The following PCYT1B variants were observed in gnomAD, a reference collection of about 807,000 sequenced individuals.
PCYT1B encodes phosphate cytidylyltransferase 1B, choline, also known as choline-phosphate cytidylyltransferase B.
PCYT1B carries 10 observed loss-of-function variants against 26.4 expected under a neutral mutation model. The ratio of observed to expected loss-of-function variants is 0.38; its 90% CI spans 0.23 to 0.64. The LOEUF (loss-of-function observed/expected upper bound fraction) is 0.64. PCYT1B is among the 30% of genes least tolerant of loss of function. PCYT1B has a pLI of 0.56. For synonymous variants in PCYT1B, 131 were observed against 108.4 expected (o/e 1.21, Z -1.29); for missense variants, 161 against 292.7 (o/e 0.55, Z 3.28).
At chrX:24,667,577 C>T (rs902210182) in intron 1 of PCYT1B, among the ~76,000 whole-genome samples, 5 of 110,052 alleles carry the variant, frequency 4.5e-5, no homozygotes, top group Non-Finnish European at 9.5e-5. Flanking sequence ...ATTAGCTGGG[C>T]ATGGTGGTGG....
chrX:24,577,666 C>T (rs907634538), intron 6 of PCYT1B, among the ~76,000 whole-genome samples: 1 of 111,911 alleles, frequency 8.9e-6, no homozygotes. Context: ...ATGAGCCCCT[C>T]CTATTTTGAA....
At chrX:24,633,736 C>T (rs1373640920) in intron 1 of PCYT1B, among the ~76,000 whole-genome samples, 2 of 111,236 alleles carry the variant, frequency 1.8e-5, no homozygotes, top group Non-Finnish European at 3.8e-5. Flanking sequence ...GCCAGAAATA[C>T]GCCATACGAA....
intron 1 of PCYT1B, among the ~76,000 whole-genome samples, chrX:24,624,544 C>G (rs775040959): frequency 2.3e-4 from 26 of 112,004 alleles, no homozygotes; most frequent in African/African-American, 8.1e-4. Flanking sequence ...TTCCTCTACT[C>G]TTTTCTGTAT....
chrX:24,565,746 G>A lies in PCYT1B; in HGVS notation c.898-3241C>T, dbSNP rs755698688. Among the ~76,000 whole-genome samples, 3 of 103,215 alleles carry A rather than the reference G, an allele frequency of 2.9e-5. No individual in the cohort carries two copies. In the South Asian group the frequency reaches 1.3e-3, roughly 46 times the overall value. 89.6% of individuals were successfully genotyped at this position (103,215 alleles called of 115,157 possible). On this transcript the variant is annotated intron_variant, in intron 7 of 7. Transcript: ENST00000379144. ...GAAAGAAACCATAAAGGAAAACATTGACATTTGACTACACAAAATTTTAAA... is the reference window on the plus strand; with the variant it reads ...GAAAGAAACCATAAAGGAAAACATTAACATTTGACTACACAAAATTTTAAA...
chrX:24,567,175 A>C (rs1242775244), intron 7 of PCYT1B, among the ~76,000 whole-genome samples: 1 of 112,617 alleles, frequency 8.9e-6, no homozygotes, highest in Non-Finnish European at 1.9e-5. Flanking sequence ...CAGGATTTCC[A>C]TTAGAAGTTC....
intron 4 of PCYT1B, among the ~76,000 whole-genome samples, chrX:24,587,651 A>T (rs1924413990): frequency 9.0e-6 from 1 of 111,704 alleles, no homozygotes; most frequent in Non-Finnish European, 1.9e-5. Flanking sequence ...TTGAATTTTT[A>T]TCATCCCTCC....
intron 2 of PCYT1B, among the ~76,000 whole-genome samples, chrX:24,618,684 C>A (rs1925598283): frequency 9.2e-6 from 1 of 108,233 alleles, no homozygotes; most frequent in East Asian, 2.9e-4. Flanking sequence ...GTGGCGCAAT[C>A]TCGGCTCACT....
intron 7 of PCYT1B, among the ~76,000 whole-genome samples, chrX:24,566,490 ACCCGAAATG>A (rs1425632953): frequency 8.9e-6 from 1 of 112,039 alleles, no homozygotes; most frequent in Non-Finnish European, 1.9e-5. Context: ...GGGAGTGATA[ACCCGAAATG>A]CTAACAGAGA....
chrX:24,574,962 C>A (rs1367341775), intron 7 of PCYT1B, among the ~76,000 whole-genome samples, 168 bp downstream of exon 7: 1 of 112,131 alleles, frequency 8.9e-6, no homozygotes, highest in African/African-American at 3.2e-5. Context: ...ACGAGTAAAG[C>A]AGAAACTCAG....
At chrX:24,593,205 T>TA (rs1569242578) in intron 3 of PCYT1B, among the ~76,000 whole-genome samples, 3 of 111,852 alleles carry the variant, frequency 2.7e-5, no homozygotes, top group African/African-American at 9.7e-5. Context: ...ACCTGGCCCC[T>TA]AGTAGGCTTT....
chrX:24,600,840 G>A (rs1372591141), intron 3 of PCYT1B, among the ~76,000 whole-genome samples: 1 of 107,750 alleles, frequency 9.3e-6, no homozygotes, highest in Non-Finnish European at 1.9e-5. Flanking sequence ...AATAGACCCA[G>A]ACAAATATAC....
chrX:24,584,925 A>G (rs61761915), intron 5 of PCYT1B, among the ~76,000 whole-genome samples: 1,714 of 111,797 alleles, frequency 0.015, 30 homozygotes, highest in African/African-American at 0.054. Flanking sequence ...TTTGAGGAGT[A>G]TAAAAAGGGT....
intron 3 of PCYT1B, among the ~76,000 whole-genome samples, chrX:24,593,329 TTTTC>T (rs200715279): frequency 0.013 from 1,384 of 110,138 alleles, 12 homozygotes; most frequent in Non-Finnish European, 0.018. Flanking sequence ...CTTCTTTTTC[TTTTC>T]TTTCTTTCTT....
At chrX:24,641,228 T>G (rs1420901672) in intron 1 of PCYT1B, among the ~76,000 whole-genome samples, 1 of 112,269 alleles carries the variant, frequency 8.9e-6, no homozygotes, top group Non-Finnish European at 1.9e-5. Flanking sequence ...CCACTGCGCC[T>G]GGCCCCTTGA....
chrX:24,609,784 G>A (rs1488795604), intron 2 of PCYT1B, among the ~76,000 whole-genome samples: 1 of 111,240 alleles, frequency 9.0e-6, no homozygotes. Context: ...TTTATAAGCT[G>A]GGAGTACTAC....
intron 3 of PCYT1B, among the ~76,000 whole-genome samples, chrX:24,599,766 CTT>C (rs756640574): frequency 6.3e-5 from 7 of 111,760 alleles, no homozygotes; most frequent in African/African-American, 1.9e-4. Flanking sequence ...AAAAATGAAA[CTT>C]ATAAATATTT....
chrX:24,601,304 C>T lies in PCYT1B; in HGVS notation c.334+6441G>A, dbSNP rs1468226319. ...GGTCAGGAGTTCAAGAACAGCCTGGCCAACATGGTGAAACCCTGTCTGTAC... is the reference window on the plus strand; with the variant it reads ...GGTCAGGAGTTCAAGAACAGCCTGGTCAACATGGTGAAACCCTGTCTGTAC... On this transcript the variant is annotated intron_variant, in intron 3 of 7. Transcript: ENST00000379144. 3.6e-5 allele frequency among the ~76,000 whole-genome samples: 4 copies of T among 111,256 alleles called. No homozygotes were observed. The South Asian group carries it at 1.5e-3, about 42-fold the overall frequency.
intron 1 of PCYT1B, among the ~76,000 whole-genome samples, chrX:24,655,911 A>C (rs1182346124): frequency 9.5e-5 from 10 of 104,881 alleles, no homozygotes; most frequent in Admixed American, 7.3e-4. Flanking sequence ...TGAGGCCAGG[A>C]GTTCCAGACA....
chrX:24,562,720 CT>C (rs1258893963), intron 7 of PCYT1B, among the ~76,000 whole-genome samples: 2 of 81,025 alleles, frequency 2.5e-5, no homozygotes, highest in African/African-American at 4.2e-5. Flanking sequence ...ACCACTGGTT[CT>C]TTTTTTCTCT....
Sources: allele counts gnomAD v4.1 joint callset (sites outside exome capture counted in the v4.1 genomes callset), GRCh38; gene constraint gnomAD v4.1.1; transcripts MANE v1.5; gene names NCBI Gene and HGNC (gene_info 2026-07-23, HGNC 2026-07-21).